Variants in LRBA observed in about 807,000 individuals in gnomAD.
LRBA encodes the protein LPS responsive beige-like anchor protein.
A neutral mutation model predicts 330.0 loss-of-function variants in LRBA; 176 were observed. The ratio of observed to expected loss-of-function variants is 0.53; its 90% CI spans 0.47 to 0.60. LRBA has a LOEUF of 0.60. Ranked by LOEUF, LRBA falls within the 20% of genes least tolerant of loss-of-function variation. The pLI is 0.00. For synonymous variants in LRBA, 1,230 were observed against 1,193.0 expected, an observed-to-expected ratio of 1.03 and a Z score of -0.64; for missense variants, 3,259 against 3,444.8, an observed-to-expected ratio of 0.95 and a Z score of 1.35.
At chr4:150,883,654 C>T (rs1436451699) in intron 17 of LRBA, among the ~76,000 whole-genome samples, 3 of 152,064 alleles carry the variant, frequency 2.0e-5, no homozygotes, top group Non-Finnish European at 4.4e-5. Flanking sequence ...CCAAAGAATA[C>T]TTTCAAAGAA....
intron 30 of LRBA, among the ~76,000 whole-genome samples, chr4:150,819,213 C>G (rs1055493926): frequency 6.7e-6 from 1 of 148,656 alleles, no homozygotes; most frequent in African/African-American, 2.5e-5. Context: ...ACATGCATGT[C>G]TAGAACAGAC....
chr4:150,400,735 T>C (rs10029305), intron 47 of LRBA, among the ~76,000 whole-genome samples: 132,543 of 152,158 alleles, frequency 0.87, 58,595 homozygotes, highest in Non-Finnish European at 0.96. Context: ...TGCCTATAGT[T>C]CTAGCTACTC....
At position 150,900,162 on chromosome 4, in the gene LRBA, A is replaced by G; in HGVS notation, c.1811T>C (p.Ile604Thr). ...TCCAACTCTCCGAATGGTGTTATAT[A>G]TGTTGACTGTACCAATGAATTCCGT... ...LSTEFIGTVNIYNTIRRVGTV... is the reference protein window; with the variant it reads ...LSTEFIGTVNTYNTIRRVGTV... Residue 604 changes from isoleucine to threonine, a missense_variant, in exon 14 of 57, where the codon ATA (isoleucine) becomes ACA (threonine). Coordinates refer to ENST00000651943, the MANE Select transcript of LRBA (RefSeq NM_001364905.1). 6.2e-7 allele frequency: 1 copy of G among 1,613,044 alleles called. No individual in the cohort carries two copies. The highest frequency in any genetic ancestry group is 8.5e-7 in the Non-Finnish European group (1 of 1,179,086).
At chr4:150,489,189 TTATA>T (rs1758381344) in intron 41 of LRBA, among the ~76,000 whole-genome samples, 1 of 123,664 alleles carries the variant, frequency 8.1e-6, no homozygotes, top group Non-Finnish European at 1.6e-5. Context: ...ATATAATATA[TTATA>T]TATAAGTATA....
chr4:150,841,299 A>G (rs957454848), intron 28 of LRBA, among the ~76,000 whole-genome samples: 3 of 152,228 alleles, frequency 2.0e-5, no homozygotes, highest in Non-Finnish European at 4.4e-5. Context: ...CTACCACATG[A>G]AGTTTACAGT....
At chr4:150,996,934 C>T (rs1742717167) in intron 2 of LRBA, among the ~76,000 whole-genome samples, 1 of 152,134 alleles carries the variant, frequency 6.6e-6, no homozygotes, top group African/African-American at 2.4e-5. Flanking sequence ...TAAAATAATC[C>T]CGTAAAACAC....
rs769198398 is a variant in LRBA at position 150,908,657 on chromosome 4, T to C, written c.1359+3A>G. 6.2e-7 allele frequency: 1 copy of C among 1,610,158 alleles called. No individual in the cohort carries two copies. The highest frequency in any genetic ancestry group is 8.5e-7 in the Non-Finnish European group (1 of 1,177,318). Reference sequence around the variant, plus strand: ...AATGTTCTTAAAAGATCACAGTTAGTACCTGGAGCATGAGTGCATGTGGTG... The same window carrying C: ...AATGTTCTTAAAAGATCACAGTTAGCACCTGGAGCATGAGTGCATGTGGTG... On this transcript the variant is annotated splice_donor_region_variant and intron_variant, in intron 10 of 56. Coordinates refer to ENST00000651943, the MANE Select transcript of LRBA (RefSeq NM_001364905.1).
intron 56 of LRBA, among the ~76,000 whole-genome samples, chr4:150,273,755 A>C (rs1005231783): frequency 1.3e-5 from 2 of 152,098 alleles, no homozygotes; most frequent in African/African-American, 4.8e-5. Context: ...ATGCAACAAC[A>C]AGACCTATCC....
chr4:150,910,905 T>C (rs1731918459), intron 9 of LRBA, among the ~76,000 whole-genome samples: 1 of 152,180 alleles, frequency 6.6e-6, no homozygotes, highest in Non-Finnish European at 1.5e-5. Context: ...TTTTGCCACC[T>C]TGGTTGAGTT....
chr4:150,354,900 T>G (rs1737631191), intron 47 of LRBA, among the ~76,000 whole-genome samples: 1 of 151,988 alleles, frequency 6.6e-6, no homozygotes, highest in Non-Finnish European at 1.5e-5. Context: ...AATAGGAGGT[T>G]TGTATAACCC....
Position 150,286,003 on chromosome 4 carries a change from G to A in LRBA, c.8049C>T (p.Thr2683=), listed in dbSNP as rs144225937. The A allele has an allele frequency of 1.1e-4, 170 of 1,587,884 alleles. No individual in the cohort carries two copies. The highest frequency in any genetic ancestry group is 1.0e-3 in the Admixed American group (58 of 55,688). ...CACATGTGACCTCATAGTCATGGCC[G>A]GTCAAAATGGCCCGAGGAGCAGCAG... ...SETAAPRAIL[T]GHDYEVTCAA... Residue 2683 remains threonine, a synonymous_variant, in exon 54 of 57, where the codon ACC becomes ACT. Coordinates refer to ENST00000651943, the MANE Select transcript of LRBA (RefSeq NM_001364905.1).
intron 44 of LRBA, among the ~76,000 whole-genome samples, chr4:150,448,894 G>C (rs903137563): frequency 6.6e-6 from 1 of 150,704 alleles, no homozygotes; most frequent in Non-Finnish European, 1.5e-5. Flanking sequence ...AGTATTGGGT[G>C]AATAGATCAA....
chr4:150,597,632 A>G lies in LRBA; in HGVS notation c.6046+1375T>C, dbSNP rs116125401. ...ATTTCAAATTTTAAGTGGACATGGT[A>G]ATACATTTTGTTAAAAATTGCAAAA... On this transcript the variant is annotated intron_variant, in intron 38 of 56. Transcript: ENST00000651943. Among the ~76,000 whole-genome samples, 1,511 of 152,074 alleles carry G rather than the reference A, an allele frequency of 9.9e-3. 26 individuals carry two copies. Among genetic ancestry groups the G allele is most frequent in the African/African-American group, 0.035 (1,445 of 41,548 alleles).
chr4:150,484,598 A>G (rs938063870), intron 42 of LRBA, among the ~76,000 whole-genome samples: 2 of 151,524 alleles, frequency 1.3e-5, no homozygotes, highest in Non-Finnish European at 2.9e-5. Context: ...ACAGCTTTTC[A>G]TTACACTGAT....
intron 37 of LRBA, among the ~76,000 whole-genome samples, chr4:150,639,768 T>C (rs1199384250): frequency 4.2e-4 from 2 of 4,756 alleles, no homozygotes; most frequent in Non-Finnish European, 1.0e-3. Flanking sequence ...TATATATATA[T>C]ATATATATAT....
At chr4:150,556,772 A>G (rs1767372004) in intron 40 of LRBA, among the ~76,000 whole-genome samples, 1 of 152,250 alleles carries the variant, frequency 6.6e-6, no homozygotes, top group Non-Finnish European at 1.5e-5. Flanking sequence ...TTGTCATTAA[A>G]TTTACAAATG....
At chr4:150,489,420 TATATTAC>T (rs1561251257) in intron 41 of LRBA, among the ~76,000 whole-genome samples, 5 of 53,242 alleles carry the variant, frequency 9.4e-5, no homozygotes, top group East Asian at 5.1e-4. Flanking sequence ...GAATATAAAA[TATATTAC>T]ATATAAGAAT....
chr4:150,704,943 T>C (rs1785473656), intron 36 of LRBA, among the ~76,000 whole-genome samples: 1 of 152,218 alleles, frequency 6.6e-6, no homozygotes, highest in Non-Finnish European at 1.5e-5. Context: ...ATACAGCAGA[T>C]TCTATACTAC....
At chr4:150,294,902 G>A (rs906295687) in intron 53 of LRBA, among the ~76,000 whole-genome samples, 3 of 151,900 alleles carry the variant, frequency 2.0e-5, no homozygotes, top group Non-Finnish European at 4.4e-5. Context: ...AGTGAGCCAA[G>A]ATCCCACCAC....
Sources: allele counts gnomAD v4.1 joint callset (sites outside exome capture counted in the v4.1 genomes callset), GRCh38; gene constraint gnomAD v4.1.1; transcripts MANE v1.5; gene names NCBI Gene and HGNC (gene_info 2026-07-23, HGNC 2026-07-21).